The following CPSF1 variants were observed in gnomAD, a reference collection of about 807,000 sequenced individuals.
CPSF1 encodes cleavage and polyadenylation specific factor 1, also known as cleavage and polyadenylation specificity factor subunit 1.
CPSF1 carries 106 observed loss-of-function variants against 175.8 expected under a neutral mutation model. That is an observed-to-expected ratio of 0.60 (90% CI 0.52 to 0.71). The LOEUF (loss-of-function observed/expected upper bound fraction) is 0.71, where lower values mean the gene tolerates loss of function less well. CPSF1 is among the 30% of genes least tolerant of loss of function. CPSF1 has a pLI of 0.00. For missense variants in CPSF1, 1,734 were observed against 2,022.9 expected (o/e 0.86, Z 2.74); for synonymous variants, 1,024 against 858.3 (o/e 1.19, Z -3.37).
chr8:144,407,218 T>A (rs1203227995), intron 2 of CPSF1, among the ~76,000 whole-genome samples: 1 of 121,756 alleles, frequency 8.2e-6, no homozygotes, highest in Non-Finnish European at 1.8e-5. Context: ...GTGCCTGGCC[T>A]TTTTTTTTTT....
At chr8:144,394,355 C>G (rs782579011) in intron 32 of CPSF1, 24 bp downstream of exon 32, 2 of 1,589,908 alleles carry the variant, frequency 1.3e-6, no homozygotes, top group African/African-American at 1.3e-5. Context: ...CACCCAGACA[C>G]GAGCACCGCC....
intron 2 of CPSF1, among the ~76,000 whole-genome samples, chr8:144,403,717 T>TA (rs151217258): frequency 0.92 from 138,953 of 151,482 alleles, 63,894 homozygotes; most frequent in East Asian, 1. Flanking sequence ...CATGCCCGGC[T>TA]ATTTTTGTAT....
In CPSF1 at chr8:144,393,776, C is replaced by T. The variant is rs1554862355; in HGVS notation, c.4036G>A (p.Gly1346Arg). The change falls in exon 36 of 38, where the codon GGG (glycine) becomes AGG (arginine). Residue 1346 changes from glycine to arginine, a missense_variant. Physicochemically the swap from Gly to Arg is moderately radical, Grantham distance 125. This residue lies in a region of CPSF1 where 323 missense variants were observed against 338.5 expected (regional missense o/e 0.95). Coordinates refer to ENST00000616140, the MANE Select transcript of CPSF1 (RefSeq NM_013291.3). The stretch of plus-strand genomic sequence containing the variant: ...TTCTCCTGCATGGGCAGCAGCAGCC[C>T]GATGCCGCCGTCCAGGGTGGCTGGC... ...TWFATLDGGI[G>R]LLLPMQEKTY... 3.8e-6 allele frequency: 6 copies of T among 1,596,246 alleles called. No homozygotes were observed. The highest frequency in any genetic ancestry group is 2.2e-5 in the South Asian group (2 of 89,682).
chr8:144,397,558 G>A lies in CPSF1; in HGVS notation c.2314C>T (p.Arg772Trp), dbSNP rs781884632. 59 of 1,552,926 alleles carry A rather than the reference G, an allele frequency of 3.8e-5. No individual in the cohort carries two copies. The highest frequency in any genetic ancestry group is 4.5e-5 in the East Asian group (2 of 44,084). ...TCTGCCCGGAAGGGTGCAGGGTCCCGGTCAGCAGGGGGCTGGCTGCTTCTT... is the reference window on the plus strand; with the variant it reads ...TCTGCCCGGAAGGGTGCAGGGTCCCAGTCAGCAGGGGGCTGGCTGCTTCTT... ...ARRSSQPPAD[R>W]DPAPFRAEPT... Residue 772 changes from arginine (R) to tryptophan (W), a missense_variant, in exon 22 of 38, where the codon CGG becomes TGG. Around this residue, in one of 10 missense-constraint regions of CPSF1, gnomAD observed 585 missense variants for 584.7 expected, o/e 1.00. Transcript: ENST00000616140.
chr8:144,402,296 G>GT lies in CPSF1; in HGVS notation c.145-624dup, dbSNP rs2116890391. 2.3e-3 allele frequency among the ~76,000 whole-genome samples: 345 copies of GT among 150,928 alleles called. 2 individuals are homozygous for GT. The highest frequency in any genetic ancestry group is 3.1e-3 in the East Asian group (16 of 5,154). On this transcript the variant is annotated intron_variant, in intron 2 of 37. Coordinates refer to ENST00000616140, the MANE Select transcript of CPSF1 (RefSeq NM_013291.3). Reference sequence around the variant, plus strand: ...GCAAGGGAAAAGTGGTTTTTGTTTTGTTTTTTTTTGTTTTTTGTTTTTTGT... The same window carrying GT: ...GCAAGGGAAAAGTGGTTTTTGTTTTGTTTTTTTTTTGTTTTTTGTTTTTTGT...
Position 144,399,738 on chromosome 8 carries a change from G to A in CPSF1, c.1120-28C>T. The A allele has an allele frequency of 6.2e-7, 1 of 1,602,484 alleles. No homozygotes were observed. The highest frequency in any genetic ancestry group is 8.5e-7 in the Non-Finnish European group (1 of 1,174,930). On this transcript the variant is annotated intron_variant, in intron 11 of 37. Transcript: ENST00000616140. This position sits in a 1 kb window ranked among gnomAD's most constrained non-coding sequence, Gnocchi z 6.4. Reference sequence around the variant, plus strand: ...GAGGGAGGGCAGGTGTGTGATGGCTGGGCCGGGTCTGGACCCAGACCCAAC... The same window carrying A: ...GAGGGAGGGCAGGTGTGTGATGGCTAGGCCGGGTCTGGACCCAGACCCAAC...
Position 144,400,836 on chromosome 8 carries a change from C to T in CPSF1, c.540-19G>A. On this transcript the variant is annotated intron_variant, in intron 6 of 37. Coordinates refer to ENST00000616140, the MANE Select transcript of CPSF1 (RefSeq NM_013291.3). ...CCTCTGCCTGGGGGGCCAGGGGCTTCAGCAGGAGAGGAGGGGAGGCGGGGA... is the reference window on the plus strand; with the variant it reads ...CCTCTGCCTGGGGGGCCAGGGGCTTTAGCAGGAGAGGAGGGGAGGCGGGGA... 6.2e-7 allele frequency: 1 copy of T among 1,612,638 alleles called. No homozygotes were observed. Among genetic ancestry groups the T allele is most frequent in the Non-Finnish European group, 8.5e-7 (1 of 1,179,756 alleles).
At chr8:144,408,962 G>C (rs2116912451) in intron 2 of CPSF1, 53 bp downstream of exon 2, 46 of 1,593,132 alleles carry the variant, frequency 2.9e-5, no homozygotes, top group Admixed American at 5.3e-5. Flanking sequence ...ACCGGGGGCG[G>C]TGAGAGCACC....
rs542865480 is a variant in CPSF1, at chr8:144,397,167, G to C, written c.2592+40C>G. 3.3e-6 allele frequency: 5 copies of C among 1,504,566 alleles called. No homozygotes were observed. The Admixed American group carries it at 6.0e-5, about 18-fold the overall frequency. The allele number at this position is 1,504,566 out of a possible 1,614,324, so 93.2% of individuals were successfully genotyped here. On this transcript the variant is annotated intron_variant, in intron 23 of 37. Coordinates refer to ENST00000616140, the MANE Select transcript of CPSF1 (RefSeq NM_013291.3). ...GCTGTGGGGGAACGGGCAGGGCCAG[G>C]GGGAAGATGGGAAGGGGAGGCCAGG...
At position 144,399,079 on chromosome 8, in the gene CPSF1, C is replaced by G. The variant is rs1158947688; in HGVS notation, c.1468-41G>C. On this transcript the variant is annotated intron_variant, in intron 15 of 37. Transcript: ENST00000616140. The surrounding 1 kb of genome is among the most constrained non-coding windows in gnomAD (Gnocchi z 6.4). Reference sequence around the variant, plus strand: ...GGGTGAGGACTATGCCCCCCACCCCCCCTCACACTCCAGCCCCTGCCCCCA... The same window carrying G: ...GGGTGAGGACTATGCCCCCCACCCCGCCTCACACTCCAGCCCCTGCCCCCA... 21 of 1,546,748 alleles carry G rather than the reference C, an allele frequency of 1.4e-5. No individual in the cohort carries two copies. The highest frequency in any genetic ancestry group is 2.7e-5 in the African/African-American group (2 of 72,910).
At chr8:144,398,491 C>CCCCAAGT (rs1554864991) in intron 18 of CPSF1, 34 bp downstream of exon 18, 5 of 1,612,134 alleles carry the variant, frequency 3.1e-6, no homozygotes, top group East Asian at 4.5e-5. Context: ...GGGACCCCAG[C>CCCCAAGT]CCCAGGTCCC....
chr8:144,400,340 C>T lies in CPSF1; in HGVS notation c.826+14G>A. ...CTCTCCACACACTCCCCTATCCACT[C>T]CCAGGACACACACCTATGGGCTTGG... On this transcript the variant is annotated intron_variant, in intron 8 of 37. Transcript: ENST00000616140. 1 of 1,613,866 alleles carries T rather than the reference C, an allele frequency of 6.2e-7. No individual in the cohort carries two copies. The highest frequency in any genetic ancestry group is 8.5e-7 in the Non-Finnish European group (1 of 1,179,954).
At chr8:144,408,886 C>A (rs1821639858) in intron 2 of CPSF1, 129 bp downstream of exon 2, 1 of 1,093,588 alleles carries the variant, frequency 9.1e-7, no homozygotes, top group Non-Finnish European at 1.3e-6. Flanking sequence ...CATGTCCTGG[C>A]TCCTCAGGCT....
At position 144,394,683 on chromosome 8, in the gene CPSF1, G is replaced by T; in HGVS notation, c.3528C>A (p.Cys1176Ter). The T allele has an allele frequency of 6.2e-7, 1 of 1,611,834 alleles. No homozygotes were observed. Among genetic ancestry groups the T allele is most frequent in the Non-Finnish European group, 8.5e-7 (1 of 1,179,304 alleles). ...CCGACACCAGGTGGCCATTGCAGTGGCACAGGGCGGTCACGGGCCCCTTCT... is the reference window on the plus strand; with the variant it reads ...CCGACACCAGGTGGCCATTGCAGTGTCACAGGGCGGTCACGGGCCCCTTCT... ...KEQKGPVTAL[C>*]HCNGHLVSAI... Residue 1176 changes from cysteine (C) to a stop codon, truncating the protein, a stop_gained, in exon 31 of 38, where the codon TGC becomes TGA. Transcript: ENST00000616140. LOFTEE classifies it high-confidence loss of function.
Position 144,393,765 on chromosome 8 carries a change from C to A in CPSF1, c.4047G>T (p.Leu1349=). The change falls in exon 36 of 38, where the codon CTG becomes CTT. Residue 1349 remains leucine (L), a synonymous_variant. Transcript: ENST00000616140. The part of the protein sequence containing the change: ...ATLDGGIGLL[L]PMQEKTYRRL... ...GCCGGTAGGTCTTCTCCTGCATGGG[C>A]AGCAGCAGCCCGATGCCGCCGTCCA... The A allele has an allele frequency of 6.3e-7, 1 of 1,593,092 alleles. No homozygotes were observed. The highest frequency in any genetic ancestry group is 2.2e-5 in the East Asian group (1 of 44,484).
At chr8:144,402,451 C>T (rs183122574) in intron 2 of CPSF1, among the ~76,000 whole-genome samples, 50 of 152,202 alleles carry the variant, frequency 3.3e-4, no homozygotes, top group Admixed American at 1.6e-3. Context: ...ATTACAGGTG[C>T]GTGCCACCAT....
intron 2 of CPSF1, among the ~76,000 whole-genome samples, chr8:144,407,704 GAAAAAC>G (rs1400838774): frequency 2.6e-5 from 4 of 151,226 alleles, no homozygotes; most frequent in African/African-American, 9.7e-5. Flanking sequence ...GTCTCACCAG[GAAAAAC>G]AAAAAAAAAA....
intron 2 of CPSF1, among the ~76,000 whole-genome samples, chr8:144,405,736 C>T (rs1821466176): frequency 6.6e-6 from 1 of 152,196 alleles, no homozygotes; most frequent in African/African-American, 2.4e-5. Context: ...GGGACGGTGC[C>T]CTCCTGGTCT....
In CPSF1 at chr8:144,398,442, A is replaced by C. The variant is rs2116849815; in HGVS notation, c.1754T>G (p.Ile585Ser). 1 of 1,613,796 alleles carries C rather than the reference A, an allele frequency of 6.2e-7. No homozygotes were observed. Among genetic ancestry groups the C allele is most frequent in the South Asian group, 1.1e-5 (1 of 91,088 alleles). Residue 585 changes from isoleucine to serine, a missense_variant and splice_region_variant, in exon 19 of 38, where the codon ATC becomes AGC. Coordinates refer to ENST00000616140, the MANE Select transcript of CPSF1 (RefSeq NM_013291.3). ...CATGATCTCCTGCCCCGTCTGCAGG[A>C]TCTGCGGGCGACAGCTGTGAGGGAG... ...LILSREDSTM[I>S]LQTGQEIMEL...
Sources: allele counts gnomAD v4.1 joint callset (sites outside exome capture counted in the v4.1 genomes callset), GRCh38; gene constraint gnomAD v4.1.1; regional missense constraint gnomAD v4.1.1; non-coding constraint Gnocchi (gnomAD v3.1); transcripts MANE v1.5; gene names NCBI Gene and HGNC (gene_info 2026-07-23, HGNC 2026-07-21).